The following TXNRD1 variants were observed in gnomAD, a reference collection of about 807,000 sequenced individuals.
TXNRD1 encodes the protein thioredoxin reductase 1.
In TXNRD1, 57 loss-of-function variants were observed where a neutral mutation model predicts 80.3. That is an observed-to-expected ratio of 0.71 (90% CI 0.57 to 0.89). The LOEUF (loss-of-function observed/expected upper bound fraction) is 0.89. Among genes scored for constraint, TXNRD1 ranks in the 40% least tolerant of loss-of-function variants. The probability of loss-of-function intolerance (pLI) is 0.00; values close to 1 mark genes in which losing one functional copy is unlikely to be tolerated. For missense variants in TXNRD1, 730 were observed against 803.0 expected, an observed-to-expected ratio of 0.91 and a Z score of 1.10; for synonymous variants, 291 against 285.2, an observed-to-expected ratio of 1.02 and a Z score of -0.20.
chr12:104,257,339 A>G (rs1022693616), intron 2 of TXNRD1, among the ~76,000 whole-genome samples: 3 of 149,242 alleles, frequency 2.0e-5, no homozygotes, highest in Non-Finnish European at 3.0e-5. Flanking sequence ...TACTTTAACT[A>G]TTGTAGAATA....
At position 104,251,536 on chromosome 12, in the gene TXNRD1, A is replaced by G. The variant is rs2033117096; in HGVS notation, c.101A>G (p.His34Arg). 1.9e-6 allele frequency: 3 copies of G among 1,613,640 alleles called. No individual in the cohort carries two copies. The South Asian group carries it at 3.3e-5, about 18-fold the overall frequency. Residue 34 changes from histidine to arginine, a missense_variant, in exon 2 of 17, where the codon CAT becomes CGT. Transcript: ENST00000525566. Reference sequence around the variant, plus strand: ...CTTCCATTACTTCTAGCTAAAGATCATCACCCTGGTAAAACTTTGCCAGAG... The same window carrying G: ...CTTCCATTACTTCTAGCTAAAGATCGTCACCCTGGTAAAACTTTGCCAGAG... The part of the protein sequence containing the change: ...GDGRRRSAKD[H>R]HPGKTLPENP...
At chr12:104,242,966 G>A (rs986400507) in intron 1 of TXNRD1, among the ~76,000 whole-genome samples, 6 of 152,176 alleles carry the variant, frequency 3.9e-5, no homozygotes, top group Admixed American at 1.3e-4. Flanking sequence ...TGTGGAGTGA[G>A]GCAAGTGGGA....
chr12:104,237,036 G>C (rs1042379210), intron 1 of TXNRD1, among the ~76,000 whole-genome samples: 1 of 151,872 alleles, frequency 6.6e-6, no homozygotes, highest in Admixed American at 6.6e-5. Flanking sequence ...ACTCCGTTCT[G>C]GGGGGGTTGG....
chr12:104,254,599 C>A (rs979903620), intron 2 of TXNRD1, among the ~76,000 whole-genome samples: 1 of 114,424 alleles, frequency 8.7e-6, no homozygotes, highest in African/African-American at 3.4e-5. Flanking sequence ...CGAGACCAGT[C>A]TGGGCAGCAT....
At chr12:104,271,412 C>G (rs926035537) in intron 3 of TXNRD1, among the ~76,000 whole-genome samples, 3 of 151,978 alleles carry the variant, frequency 2.0e-5, no homozygotes, top group Non-Finnish European at 4.4e-5. Flanking sequence ...CTCCTGACCT[C>G]GTGATCTGCC....
intron 4 of TXNRD1, chr12:104,304,173 T>A: frequency 6.2e-7 from 1 of 1,614,064 alleles, no homozygotes; most frequent in Non-Finnish European, 8.5e-7. Flanking sequence ...TTTGATGGCG[T>A]GAGCCGAACC....
At chr12:104,269,399 CTTTTTT>C (rs71069741) in intron 3 of TXNRD1, among the ~76,000 whole-genome samples, 1 of 120,450 alleles carries the variant, frequency 8.3e-6, no homozygotes. Flanking sequence ...GTGTTTCTTT[CTTTTTT>C]TTTTTTTTTT....
At chr12:104,254,644 A>AAAAAT in intron 2 of TXNRD1, among the ~76,000 whole-genome samples, 3 of 93,638 alleles carry the variant, frequency 3.2e-5, no homozygotes, top group South Asian at 3.6e-4. Context: ...AAAAAAAAAA[A>AAAAAT]ATATATATAT....
chr12:104,290,720 CATATATATATATATATATATAT>C (rs58669975), intron 4 of TXNRD1, among the ~76,000 whole-genome samples: 58 of 55,864 alleles, frequency 1.0e-3, no homozygotes, highest in East Asian at 6.6e-3. Context: ...AAGAAATATA[CATATATATATATATATATATAT>C]ATATATATAT....
rs138219103 is a variant in TXNRD1 at position 104,334,880 on chromosome 12, A to G, written c.1746+548A>G. ...ACTGAGTGAAGGAACCAAAGGCACAACTTGAGAACTGTCTATGTTTGTGTT... is the reference window on the plus strand; with the variant it reads ...ACTGAGTGAAGGAACCAAAGGCACAGCTTGAGAACTGTCTATGTTTGTGTT... On this transcript the variant is annotated intron_variant, in intron 15 of 16. Transcript: ENST00000525566. Among the ~76,000 whole-genome samples, 19 of 152,324 alleles carry G rather than the reference A, an allele frequency of 1.2e-4. No individual in the cohort carries two copies. The South Asian group carries it at 3.5e-3, about 28-fold the overall frequency.
intron 7 of TXNRD1, among the ~76,000 whole-genome samples, chr12:104,317,224 G>A (rs34690387): frequency 2.6e-5 from 4 of 152,302 alleles, no homozygotes; most frequent in African/African-American, 9.6e-5. Context: ...ACTCCTAGCA[G>A]AGAAACAGCA....
At chr12:104,259,649 G>A (rs568820006) in intron 3 of TXNRD1, among the ~76,000 whole-genome samples, 4 of 151,812 alleles carry the variant, frequency 2.6e-5, no homozygotes, top group East Asian at 2.0e-4. Flanking sequence ...GCACCACTAC[G>A]CCTGGCTAAT....
Position 104,325,372 on chromosome 12 carries a change from C to G in TXNRD1, c.1251C>G (p.Leu417=), listed in dbSNP as rs1444831793. Residue 417 remains leucine (L), a synonymous_variant, in exon 11 of 17, where the codon CTC becomes CTG. Coordinates refer to ENST00000525566, the MANE Select transcript of TXNRD1 (RefSeq NM_001093771.3). ...EQIEAGTPGR[L]RVVAQSTNSE... ...TTGAAGCAGGGACACCAGGCCGACTCAGAGTAGTAGCTCAGTCCACCAATA... is the reference window on the plus strand; with the variant it reads ...TTGAAGCAGGGACACCAGGCCGACTGAGAGTAGTAGCTCAGTCCACCAATA... 5.6e-6 allele frequency: 9 copies of G among 1,613,444 alleles called. No individual in the cohort carries two copies. The highest frequency in any genetic ancestry group is 1.6e-4 in the Middle Eastern group (1 of 6,062).
At position 104,349,683 on chromosome 12, in the gene TXNRD1, C is replaced by T. The variant is rs35232644; in HGVS notation, c.*1262C>T. The T allele has an allele frequency of 0.025, 3,811 of 152,502 alleles. 74 individuals are homozygous for T. Among genetic ancestry groups the T allele is most frequent in the Non-Finnish European group, 0.037 (2,545 of 68,026 alleles). 9.4% of individuals were successfully genotyped at this position (152,502 alleles called of 1,614,324 possible). On this transcript the variant is annotated 3_prime_UTR_variant, in exon 17 of 17. Transcript: ENST00000525566. ...GTACTGGCTGAGGATTCTATCTCAG[C>T]TGTCTTTTCTAACTGTGTAGGTTGA...
chr12:104,281,716 T>A (rs2135735791), intron 3 of TXNRD1, among the ~76,000 whole-genome samples: 1 of 152,138 alleles, frequency 6.6e-6, no homozygotes, highest in South Asian at 2.1e-4. Context: ...ATATCTCCAC[T>A]TTTAAGTCCC....
Position 104,324,512 on chromosome 12 carries a change from C to T in TXNRD1, c.1216-825C>T, listed in dbSNP as rs11111994. Among the ~76,000 whole-genome samples, 21 of 152,036 alleles carry T rather than the reference C, an allele frequency of 1.4e-4. No homozygotes were observed. In the East Asian group the frequency reaches 3.3e-3, roughly 24 times the overall value. ...GACTACAGGCGCCCGCCACCACGCC[C>T]GGCTAATTTTTGTATTTTTAGTAGA... On this transcript the variant is annotated intron_variant, in intron 10 of 16. Coordinates refer to ENST00000525566, the MANE Select transcript of TXNRD1 (RefSeq NM_001093771.3).
intron 3 of TXNRD1, among the ~76,000 whole-genome samples, chr12:104,273,078 G>A (rs879311503): frequency 1.3e-5 from 2 of 152,176 alleles, no homozygotes; most frequent in African/African-American, 4.8e-5. Flanking sequence ...TATCTGCAAC[G>A]GGTGGTTGGC....
At chr12:104,265,396 A>C in intron 3 of TXNRD1, 1 of 1,606,544 alleles carries the variant, frequency 6.2e-7, no homozygotes, top group Non-Finnish European at 8.5e-7. Flanking sequence ...CCTCTACCGC[A>C]TGCGAATCTT....
chr12:104,252,662 T>TATA lies in TXNRD1; in HGVS notation c.243+984_243+985insATA, dbSNP rs756948232. On this transcript the variant is annotated intron_variant, in intron 2 of 16. Transcript: ENST00000525566. ...CACTGAGAGGTTAATTTATTATTTTTTATATATATATATATATATATATAT... is the reference window on the plus strand; with the variant it reads ...CACTGAGAGGTTAATTTATTATTTTTATATATATATATATATATATATATATAT... Among the ~76,000 whole-genome samples the TATA allele has an allele frequency of 9.4e-3, 429 of 45,642 alleles. 10 individuals carry two copies. The highest frequency in any genetic ancestry group is 0.024 in the East Asian group (20 of 824). The allele number at this position is 45,642 out of a possible 152,430, so 29.9% of individuals were successfully genotyped here. A position where few individuals can be genotyped will look rare whatever the true frequency, so the allele number is the denominator to read the frequency against.
Sources: gnomAD v4.1 joint callset for allele counts (sites outside exome capture counted in the v4.1 genomes callset) on GRCh38, gnomAD v4.1.1 for gene constraint, MANE v1.5 for transcripts, NCBI Gene and HGNC (gene_info 2026-07-23, HGNC 2026-07-21) for gene names.